MYT1L: variants seen among roughly 807,000 people sequenced by gnomAD.
MYT1L encodes the protein myelin transcription factor 1 like.
In MYT1L, 12 loss-of-function variants were observed where a neutral mutation model predicts 126.7. The ratio of observed to expected loss-of-function variants is 0.09; its 90% confidence interval spans 0.06 to 0.15. The LOEUF is 0.15. MYT1L is among the 10% of genes least tolerant of loss of function. The pLI, the probability that MYT1L is intolerant of heterozygous loss-of-function variation, is 1.00. For missense variants in MYT1L, 979 were observed against 1,585.2 expected (o/e 0.62, Z 6.49); for synonymous variants, 541 against 604.2 (o/e 0.90, Z 1.53).
In MYT1L at chr2:2,187,166, T is replaced by C. The variant is rs138890356; in HGVS notation, c.-420-14178A>G. ...GATGCTCTTATATTTGGTCGTGGGC[T>C]CCCTCTTCCACCGAGGCCTTTCCTA... is the stretch of plus-strand genomic sequence containing the variant. On this transcript the variant is annotated intron_variant, in intron 2 of 24. Transcript: ENST00000647738. 1.1e-4 allele frequency among the ~76,000 whole-genome samples: 17 copies of C among 152,202 alleles called. 1 individual carries two copies. Among genetic ancestry groups the C allele is most frequent in the African/African-American group, 4.1e-4 (17 of 41,536 alleles).
chr2:2,042,809 C>T (rs2067700610), intron 4 of MYT1L, among the ~76,000 whole-genome samples: 1 of 152,218 alleles, frequency 6.6e-6, no homozygotes, highest in Admixed American at 6.5e-5. Flanking sequence ...ATCCAGCTCT[C>T]ACCACACCTG....
chr2:2,275,037 G>A (rs1341058056), intron 2 of MYT1L, among the ~76,000 whole-genome samples: 1 of 152,206 alleles, frequency 6.6e-6, no homozygotes, highest in African/African-American at 2.4e-5. Context: ...ATGAGCAAGT[G>A]CGGTAGAGTC....
chr2:2,245,051 C>A (rs1194408715), intron 2 of MYT1L, among the ~76,000 whole-genome samples: 1 of 152,194 alleles, frequency 6.6e-6, no homozygotes, highest in African/African-American at 2.4e-5. Context: ...CACTTGCATG[C>A]TCAGATTAAC....
intron 1 of MYT1L, among the ~76,000 whole-genome samples, chr2:2,291,137 T>C (rs1260325339): frequency 6.6e-6 from 1 of 151,952 alleles, no homozygotes; most frequent in African/African-American, 2.4e-5. Context: ...AATTCTCCTA[T>C]GCTGAGAACC....
At chr2:2,151,090 C>T (rs2085711539) in intron 3 of MYT1L, among the ~76,000 whole-genome samples, 1 of 152,146 alleles carries the variant, frequency 6.6e-6, no homozygotes, top group Admixed American at 6.5e-5. Flanking sequence ...ACAGTAAAAA[C>T]TTTGAGTCTG....
chr2:2,179,662 G>C (rs2091201486), intron 2 of MYT1L, among the ~76,000 whole-genome samples: 1 of 152,182 alleles, frequency 6.6e-6, no homozygotes, highest in Non-Finnish European at 1.5e-5. Context: ...AGTGAGTGAG[G>C]AACAGTAGGA....
At chr2:2,154,549 G>T (rs947801267) in intron 3 of MYT1L, among the ~76,000 whole-genome samples, 1 of 152,166 alleles carries the variant, frequency 6.6e-6, no homozygotes, top group Non-Finnish European at 1.5e-5. Flanking sequence ...GGAGCTGGAG[G>T]CCATTATCCT....
At chr2:2,318,326 T>C (rs985156042) in intron 1 of MYT1L, among the ~76,000 whole-genome samples, 1 of 152,222 alleles carries the variant, frequency 6.6e-6, no homozygotes, top group Non-Finnish European at 1.5e-5. Flanking sequence ...AATGAGATGT[T>C]ACCTGTTGTC....
intron 8 of MYT1L, among the ~76,000 whole-genome samples, chr2:1,946,574 G>A (rs2057248997): frequency 6.6e-6 from 1 of 152,068 alleles, no homozygotes; most frequent in Non-Finnish European, 1.5e-5. Context: ...GCAGTTAGAT[G>A]ACTTCTAAGT....
At chr2:2,111,354 C>T (rs1049004004) in intron 3 of MYT1L, among the ~76,000 whole-genome samples, 4 of 152,186 alleles carry the variant, frequency 2.6e-5, no homozygotes, top group Admixed American at 6.5e-5. Context: ...CCATCCTCCC[C>T]CCGACGGCAC....
At chr2:1,839,912 G>A (rs1043984796) in intron 20 of MYT1L, among the ~76,000 whole-genome samples, 4 of 152,146 alleles carry the variant, frequency 2.6e-5, no homozygotes, top group Non-Finnish European at 4.4e-5. Flanking sequence ...AAGTCTCCTG[G>A]AATCGGGCTG....
At chr2:2,278,218 C>T (rs911103922) in intron 2 of MYT1L, among the ~76,000 whole-genome samples, 1 of 152,196 alleles carries the variant, frequency 6.6e-6, no homozygotes, top group Non-Finnish European at 1.5e-5. Flanking sequence ...CACACAGCAA[C>T]TCATGTGATC....
intron 3 of MYT1L, among the ~76,000 whole-genome samples, chr2:2,126,200 C>G (rs1370705187): frequency 6.6e-6 from 1 of 152,176 alleles, no homozygotes; most frequent in African/African-American, 2.4e-5. Context: ...TCAAGCTGCT[C>G]TAAGCCCACG....
intron 1 of MYT1L, among the ~76,000 whole-genome samples, chr2:2,299,969 C>T (rs573553905): frequency 2.0e-5 from 3 of 152,306 alleles, no homozygotes; most frequent in Admixed American, 6.5e-5. Context: ...TTTGGTATAT[C>T]AATGGCTTAG....
At position 1,906,429 on chromosome 2, in the gene MYT1L, C is replaced by A. The variant is rs79579717; in HGVS notation, c.1818-3135G>T. Reference sequence around the variant, plus strand: ...TAATAGGCATCCATGTAGATAATGTCTTTTTACTCTGATTATTTCATAAAT... The same window carrying A: ...TAATAGGCATCCATGTAGATAATGTATTTTTACTCTGATTATTTCATAAAT... On this transcript the variant is annotated intron_variant, in intron 13 of 24. Transcript: ENST00000647738. Among the ~76,000 whole-genome samples, 151 of 152,116 alleles carry A rather than the reference C, an allele frequency of 9.9e-4. 1 individual carries two copies. In the East Asian group the frequency reaches 0.027, roughly 27 times the overall value.
intron 3 of MYT1L, among the ~76,000 whole-genome samples, chr2:2,158,707 C>T (rs911412024): frequency 1.5e-5 from 2 of 136,394 alleles, no homozygotes; most frequent in Non-Finnish European, 3.3e-5. Flanking sequence ...TTCAAGTACA[C>T]ACACACACAC....
At chr2:1,866,658 A>G (rs1300998105) in intron 18 of MYT1L, among the ~76,000 whole-genome samples, 15 of 54,776 alleles carry the variant, frequency 2.7e-4, no homozygotes, top group African/African-American at 1.4e-3. Context: ...AGACAGAGAG[A>G]GAGGGAGAGG....
intron 3 of MYT1L, among the ~76,000 whole-genome samples, chr2:2,126,996 T>C (rs1164277391): frequency 3.3e-5 from 5 of 152,268 alleles, no homozygotes; most frequent in African/African-American, 9.6e-5. Context: ...TCTAGCCTAC[T>C]CAATTCTCTG....
intron 2 of MYT1L, among the ~76,000 whole-genome samples, chr2:2,194,128 G>C (rs1032767411): frequency 2.6e-5 from 4 of 152,048 alleles, no homozygotes; most frequent in Non-Finnish European, 5.9e-5. Context: ...CCCCCAGGCT[G>C]AAGTGCAGTG....
Sources: gnomAD v4.1 joint callset for allele counts (sites outside exome capture counted in the v4.1 genomes callset) on GRCh38, gnomAD v4.1.1 for gene constraint, MANE v1.5 for transcripts, NCBI Gene and HGNC (gene_info 2026-07-23, HGNC 2026-07-21) for gene names.